Variants in GUCY2D observed in about 807,000 individuals in gnomAD.
GUCY2D encodes the protein retinal guanylyl cyclase 1.
A neutral mutation model predicts 101.3 loss-of-function variants in GUCY2D; 70 were observed. That is an observed-to-expected ratio of 0.69 (90% confidence interval 0.57 to 0.84). The LOEUF (loss-of-function observed/expected upper bound fraction) is 0.84. GUCY2D is among the 40% of genes least tolerant of loss of function. GUCY2D has a pLI of 0.00. For synonymous variants in GUCY2D, 688 were observed against 670.7 expected, an observed-to-expected ratio of 1.03 and a Z score of -0.40; for missense variants, 1,460 against 1,542.5, an observed-to-expected ratio of 0.95 and a Z score of 0.90.
rs751794453 is a variant in GUCY2D at position 8,014,339 on chromosome 17, G to A, written c.2413-262G>A. 8.3e-5 allele frequency: 50 copies of A among 602,002 alleles called. No homozygotes were observed. The highest frequency in any genetic ancestry group is 5.1e-4 in the East Asian group (18 of 35,410). 37.3% of individuals were successfully genotyped at this position (602,002 alleles called of 1,614,324 possible). ...AAGACCCTTGGCCTGGGAGCCCAAC[G>A]ATTGGGCTGGCTCCAGTGCCCTGTC... On this transcript the variant is annotated intron_variant, in intron 12 of 19. Coordinates refer to ENST00000254854, the MANE Select transcript of GUCY2D (RefSeq NM_000180.4). The surrounding 1 kb of genome is among the most constrained non-coding windows in gnomAD (Gnocchi z 4.0).
chr17:8,007,190 A>G (rs1443552006), intron 5 of GUCY2D, 46 bp downstream of exon 5: 12 of 1,430,616 alleles, frequency 8.4e-6, no homozygotes, highest in Non-Finnish European at 1.2e-5. Flanking sequence ...TGTGCCAGAA[A>G]TGGAAGTCTG....
At chr17:8,005,678 C>T (rs758326916) in intron 3 of GUCY2D, among the ~76,000 whole-genome samples, 3 of 152,186 alleles carry the variant, frequency 2.0e-5, no homozygotes, top group Non-Finnish European at 4.4e-5. Flanking sequence ...CCTCAGTTTC[C>T]CCTACTTTTA....
chr17:8,004,189 G>A (rs772792838), intron 3 of GUCY2D, 33 bp downstream of exon 3: 19 of 1,540,766 alleles, frequency 1.2e-5, no homozygotes, highest in African/African-American at 2.7e-5. Context: ...AAGAAGGCAA[G>A]GGAGAGGGGA....
chr17:8,006,730 C>T lies in GUCY2D; in HGVS notation c.1378+16C>T, dbSNP rs963135195. On this transcript the variant is annotated intron_variant, in intron 4 of 19. Coordinates refer to ENST00000254854, the MANE Select transcript of GUCY2D (RefSeq NM_000180.4). ...TGCGGTGGAGGTGAGGGCGAGCACCCCAGTCCCCACTGAGACAATCGCCAT... is the reference window on the plus strand; with the variant it reads ...TGCGGTGGAGGTGAGGGCGAGCACCTCAGTCCCCACTGAGACAATCGCCAT... 1 of 1,567,772 alleles carries T rather than the reference C, an allele frequency of 6.4e-7. No individual in the cohort carries two copies. Among genetic ancestry groups the T allele is most frequent in the Admixed American group, 1.8e-5 (1 of 56,982 alleles).
chr17:8,016,560 G>T lies in GUCY2D; in HGVS notation c.*24+6G>T. On this transcript the variant is annotated splice_donor_region_variant and intron_variant, in intron 19 of 19. Coordinates refer to ENST00000254854, the MANE Select transcript of GUCY2D (RefSeq NM_000180.4). ...TGAGGCCCGGCCCCGGACAGGTACT[G>T]CCCCCTCAGCCCCAACCCCAGCTGC... 1 of 1,366,798 alleles carries T rather than the reference G, an allele frequency of 7.3e-7. No individual in the cohort carries two copies. The highest frequency in any genetic ancestry group is 1.0e-6 in the Non-Finnish European group (1 of 985,684). The allele number at this position is 1,366,798 out of a possible 1,614,324, so 84.7% of individuals were successfully genotyped here.
Position 8,003,567 on chromosome 17 carries a change from G to A in GUCY2D, c.520G>A (p.Ala174Thr), listed in dbSNP as rs978982123. Residue 174 changes from alanine (A) to threonine (T), a missense_variant, in exon 2 of 20, where the codon GCC becomes ACC. Ala to Thr is a moderately conservative substitution (Grantham distance 58, BLOSUM62 0). Around this residue, in one of 3 missense-constraint regions of GUCY2D, gnomAD observed 1,196 missense variants for 1,229.6 expected, o/e 0.97. Transcript: ENST00000254854. ...GACCCCCGCCGCGGATGCCCTCTAC[G>A]CCCTGCTTCGCGCATTCGGCTGGGC... is the stretch of plus-strand genomic sequence containing the variant. ...AVTPAADALY[A>T]LLRAFGWARV... 7.0e-6 allele frequency: 11 copies of A among 1,579,458 alleles called. No homozygotes were observed. The African/African-American group carries it at 1.3e-4, about 19-fold the overall frequency.
In GUCY2D at chr17:8,014,511, C is replaced by G; in HGVS notation, c.2413-90C>G. ...CAGCGGGGTTGGGGTTCAGAGTGAACAGCCCCATGAGAGGGCCCATGAGGG... is the reference window on the plus strand; with the variant it reads ...CAGCGGGGTTGGGGTTCAGAGTGAAGAGCCCCATGAGAGGGCCCATGAGGG... On this transcript the variant is annotated intron_variant, in intron 12 of 19. Transcript: ENST00000254854. The surrounding 1 kb of genome is among the most constrained non-coding windows in gnomAD (Gnocchi z 4.0). 8.2e-7 allele frequency: 1 copy of G among 1,221,406 alleles called. No individual in the cohort carries two copies. The highest frequency in any genetic ancestry group is 2.3e-5 in the East Asian group (1 of 43,004). The allele number at this position is 1,221,406 out of a possible 1,614,324, so 75.7% of individuals were successfully genotyped here.
intron 4 of GUCY2D, 79 bp from the exon 5 acceptor site, chr17:8,006,975 GGGGCCA>G (rs1975755931): frequency 8.8e-7 from 1 of 1,131,150 alleles, no homozygotes; most frequent in Admixed American, 1.7e-5. Context: ...CTTTCCTGGA[GGGGCCA>G]GCATGTGGCA....
At position 8,013,662 on chromosome 17, in the gene GUCY2D, C is replaced by T; in HGVS notation, c.2264-218C>T. ...ATGTTAGTTTCTTTGCCTATGTCACCTCTTACTGACCCCCAGAGTTCGAGG... is the reference window on the plus strand; with the variant it reads ...ATGTTAGTTTCTTTGCCTATGTCACTTCTTACTGACCCCCAGAGTTCGAGG... On this transcript the variant is annotated intron_variant, in intron 11 of 19. Transcript: ENST00000254854. The surrounding 1 kb of genome is among the most constrained non-coding windows in gnomAD (Gnocchi z 5.0). The T allele has an allele frequency of 3.3e-6, 2 of 601,630 alleles. No homozygotes were observed. The allele number at this position is 601,630 out of a possible 1,614,324, so 37.3% of individuals were successfully genotyped here. A position where few individuals can be genotyped will look rare whatever the true frequency, so the allele number is the denominator to read the frequency against.
At chr17:8,005,905 G>C (rs911388900) in intron 3 of GUCY2D, among the ~76,000 whole-genome samples, 2 of 152,066 alleles carry the variant, frequency 1.3e-5, no homozygotes, top group Admixed American at 6.6e-5. Context: ...TTGTTTGTTT[G>C]TTTGTTTTTT....
chr17:8,005,622 T>C (rs931518468), intron 3 of GUCY2D, among the ~76,000 whole-genome samples: 1 of 152,262 alleles, frequency 6.6e-6, no homozygotes, highest in African/African-American at 2.4e-5. Flanking sequence ...GCTCCTTCTC[T>C]GTCCACAGCC....
intron 10 of GUCY2D, 21 bp downstream of exon 10, chr17:8,012,627 C>T (rs184164679): frequency 1.3e-4 from 200 of 1,597,574 alleles, no homozygotes; most frequent in South Asian, 5.4e-4. Context: ...CCTGTGCAGA[C>T]GAGGATCCAC....
rs933462730 is a variant in GUCY2D, at chr17:8,009,545, C to T, written c.1708C>T (p.His570Tyr). The change falls in exon 8 of 20, where the codon CAC (histidine) becomes TAC (tyrosine). Residue 570 changes from histidine to tyrosine, a missense_variant. His to Tyr is a moderately conservative substitution (Grantham distance 83). Coordinates refer to ENST00000254854, the MANE Select transcript of GUCY2D (RefSeq NM_000180.4). Reference protein sequence around the residue: ...VWLKKFPGDQHIAIRPATKTA... With the variant: ...VWLKKFPGDQYIAIRPATKTA... ...GCTGAAGAAATTCCCAGGGGATCAG[C>T]ACATAGCTATCCGCCCAGCAACCAA... 1.2e-6 allele frequency: 2 copies of T among 1,613,754 alleles called. No individual in the cohort carries two copies. Among genetic ancestry groups the T allele is most frequent in the Non-Finnish European group, 8.5e-7 (1 of 1,179,664 alleles).
At chr17:8,005,480 A>G (rs961857523) in intron 3 of GUCY2D, among the ~76,000 whole-genome samples, 1 of 152,080 alleles carries the variant, frequency 6.6e-6, no homozygotes, top group Non-Finnish European at 1.5e-5. Context: ...AGCCAGACCA[A>G]GCTACTCTGG....
In GUCY2D at chr17:8,015,909, C is replaced by T. The variant is rs1975961777; in HGVS notation, c.3044-18C>T. ...CGGGAGGTGAGTCCCGAGCTCACGG[C>T]GTCCCCCACCGCCACAGCTTACCGC... On this transcript the variant is annotated intron_variant, in intron 16 of 19. Transcript: ENST00000254854. 6.3e-7 allele frequency: 1 copy of T among 1,598,086 alleles called. No homozygotes were observed. Among genetic ancestry groups the T allele is most frequent in the Non-Finnish European group, 8.5e-7 (1 of 1,171,390 alleles).
intron 3 of GUCY2D, among the ~76,000 whole-genome samples, chr17:8,005,583 C>T (rs925274086): frequency 2.0e-5 from 3 of 152,224 alleles, no homozygotes; most frequent in Non-Finnish European, 4.4e-5. Flanking sequence ...AATTCTGACT[C>T]ATCCCCTGAA....
At position 8,003,353 on chromosome 17, in the gene GUCY2D, C is replaced by T. The variant is rs540877830; in HGVS notation, c.306C>T (p.Pro102=). ...GGPRFEVALL[P]EPCRTPGSLG... Reference sequence around the variant, plus strand: ...CCCGCTTCGAGGTAGCGCTGCTGCCCGAGCCTTGCCGGACGCCGGGCTCGC... The same window carrying T: ...CCCGCTTCGAGGTAGCGCTGCTGCCTGAGCCTTGCCGGACGCCGGGCTCGC... The change falls in exon 2 of 20, where the codon CCC becomes CCT. Residue 102 remains proline, a synonymous_variant. Transcript: ENST00000254854. The T allele has an allele frequency of 3.4e-6, 5 of 1,469,548 alleles. No homozygotes were observed. Among genetic ancestry groups the T allele is most frequent in the African/African-American group, 3.0e-5 (2 of 67,712 alleles). The allele number at this position is 1,469,548 out of a possible 1,614,324, so 91.0% of individuals were successfully genotyped here.
At position 8,003,096 on chromosome 17, in the gene GUCY2D, T is replaced by C. The variant is rs1008930073; in HGVS notation, c.49T>C (p.Cys17Arg). The C allele has an allele frequency of 4.9e-5, 75 of 1,523,932 alleles. No individual in the cohort carries two copies. Among genetic ancestry groups the C allele is most frequent in the Non-Finnish European group, 6.4e-5 (73 of 1,142,266 alleles). The allele number at this position is 1,523,932 out of a possible 1,614,324, so 94.4% of individuals were successfully genotyped here. A position where few individuals can be genotyped will look rare whatever the true frequency, so the allele number is the denominator to read the frequency against. Residue 17 changes from cysteine to arginine, a missense_variant, in exon 2 of 20, where the codon TGC (cysteine) becomes CGC (arginine). Coordinates refer to ENST00000254854, the MANE Select transcript of GUCY2D (RefSeq NM_000180.4). ...GGGTGGGCTTCCGGACCCCGGGCTC[T>C]GCGGTCCCGCGTGGTGGGCTCCGTC... is the stretch of plus-strand genomic sequence containing the variant. ...RAGGLPDPGLCGPAWWAPSLP... is the reference protein window; with the variant it reads ...RAGGLPDPGLRGPAWWAPSLP...
At chr17:8,010,902 G>A (rs1975839415) in intron 8 of GUCY2D, among the ~76,000 whole-genome samples, 1 of 151,900 alleles carries the variant, frequency 6.6e-6, no homozygotes, top group South Asian at 2.1e-4. Context: ...AGCCAGCTAA[G>A]CCACCTTTTT....
Sources: allele counts gnomAD v4.1 joint callset (sites outside exome capture counted in the v4.1 genomes callset), GRCh38; gene constraint gnomAD v4.1.1; regional missense constraint gnomAD v4.1.1; non-coding constraint Gnocchi (gnomAD v3.1); transcripts MANE v1.5; gene names NCBI Gene and HGNC (gene_info 2026-07-23, HGNC 2026-07-21).